Variants in GLRA2 observed in about 807,000 individuals in gnomAD.
GLRA2 encodes glycine receptor subunit alpha-2.
A neutral mutation model predicts 31.6 loss-of-function variants in GLRA2; 11 were observed. The ratio of observed to expected loss-of-function variants is 0.35; its 90% CI spans 0.22 to 0.58. The LOEUF (loss-of-function observed/expected upper bound fraction) is 0.58. Ranked by LOEUF, GLRA2 falls within the 20% of genes least tolerant of loss-of-function variation. The pLI, the probability that GLRA2 is intolerant of heterozygous loss-of-function variation, is 0.84. For missense variants in GLRA2, 212 were observed against 351.8 expected, an observed-to-expected ratio of 0.60 and a Z score of 3.18; for synonymous variants, 132 against 134.0, an observed-to-expected ratio of 0.99 and a Z score of 0.10.
chrX:14,614,112 A>G (rs184965848), intron 7 of GLRA2, among the ~76,000 whole-genome samples: 1 of 111,446 alleles, frequency 9.0e-6, no homozygotes, highest in Non-Finnish European at 1.9e-5. Context: ...GATGTGGAGC[A>G]CTTTGTCTGT....
At chrX:14,607,803 C>G (rs180747538) in intron 6 of GLRA2, among the ~76,000 whole-genome samples, 1 of 111,141 alleles carries the variant, frequency 9.0e-6, no homozygotes, top group East Asian at 2.9e-4. Flanking sequence ...TCAGCTGGCT[C>G]TAAAGTCATG....
chrX:14,660,932 T>C (rs984043448), intron 7 of GLRA2, among the ~76,000 whole-genome samples: 1 of 111,974 alleles, frequency 8.9e-6, no homozygotes, highest in Non-Finnish European at 1.9e-5. Context: ...TGGCTAAAGA[T>C]ACAAATTTCA....
chrX:14,666,931 G>A (rs751318821), intron 7 of GLRA2, among the ~76,000 whole-genome samples: 6 of 112,170 alleles, frequency 5.3e-5, no homozygotes, highest in Non-Finnish European at 1.1e-4. Context: ...TAGAGTGCAA[G>A]TCAATCATCT....
chrX:14,708,512 G>A (rs1368048047), intron 8 of GLRA2, among the ~76,000 whole-genome samples: 2 of 111,417 alleles, frequency 1.8e-5, no homozygotes, highest in South Asian at 3.7e-4. Context: ...ACACTCACAC[G>A]CCACCTGAGT....
intron 8 of GLRA2, among the ~76,000 whole-genome samples, chrX:14,715,860 A>G (rs987401855): frequency 8.0e-5 from 9 of 111,888 alleles, no homozygotes; most frequent in African/African-American, 2.6e-4. Context: ...TAAGTCTTGA[A>G]ATGGAAGCAA....
At chrX:14,581,766 G>GCACACACA (rs57962541) in intron 4 of GLRA2, among the ~76,000 whole-genome samples, 2,023 of 90,840 alleles carry the variant, frequency 0.022, 44 homozygotes, top group African/African-American at 0.062. Flanking sequence ...ATTCAAGCAT[G>GCACACACA]CACACACACA....
chrX:14,652,396 C>T (rs754953034), intron 7 of GLRA2, among the ~76,000 whole-genome samples: 2 of 111,113 alleles, frequency 1.8e-5, no homozygotes, highest in Non-Finnish European at 3.8e-5. Flanking sequence ...CATATATAGG[C>T]GTATCTCATT....
At chrX:14,710,217 C>A (rs1434885452) in intron 8 of GLRA2, among the ~76,000 whole-genome samples, 1 of 112,062 alleles carries the variant, frequency 8.9e-6, no homozygotes, top group Admixed American at 9.5e-5. Context: ...ACTGAGCCCC[C>A]TGCAGAAACA....
At chrX:14,508,684 A>G in the GLRA2 span, among the ~76,000 whole-genome samples, 2 of 112,045 alleles carry the variant, frequency 1.8e-5, no homozygotes, top group South Asian at 7.5e-4. Flanking sequence ...CATTTTTAAT[A>G]CACTTCATGC....
At chrX:14,568,692 CA>C (rs1390018705) in intron 2 of GLRA2, among the ~76,000 whole-genome samples, 48 of 23,511 alleles carry the variant, frequency 2.0e-3, no homozygotes, top group African/African-American at 4.1e-3. Context: ...GACTCTGTCT[CA>C]AAAAAAAAAA....
chrX:14,472,577 C>T, the GLRA2 span, among the ~76,000 whole-genome samples: 1 of 111,051 alleles, frequency 9.0e-6, no homozygotes. Flanking sequence ...CAACCCCCAT[C>T]GTGTTCATGT....
intron 7 of GLRA2, among the ~76,000 whole-genome samples, chrX:14,621,178 G>A (rs1183151099): frequency 9.0e-6 from 1 of 111,286 alleles, no homozygotes; most frequent in Non-Finnish European, 1.9e-5. Context: ...AAGAATTAGT[G>A]TTGGAGTTTG....
the GLRA2 span, among the ~76,000 whole-genome samples, chrX:14,509,331 T>G: frequency 1.8e-5 from 2 of 112,736 alleles, no homozygotes; most frequent in Admixed American, 1.9e-4. Context: ...TTCCTTCACT[T>G]GAATATTTGT....
In GLRA2 at chrX:14,643,760, A is replaced by G. The variant is rs776938013; in HGVS notation, c.930+34555A>G. ...AGGCAAGGTTCAGTAGTGCCATGAC[A>G]GCTCCATCAATGCAATGGGAACATG... is the stretch of plus-strand genomic sequence containing the variant. On this transcript the variant is annotated intron_variant, in intron 7 of 8. Coordinates refer to ENST00000218075, the MANE Select transcript of GLRA2 (RefSeq NM_002063.4). Among the ~76,000 whole-genome samples the G allele has an allele frequency of 3.6e-5, 4 of 112,107 alleles. No individual in the cohort carries two copies. In the South Asian group the frequency reaches 1.5e-3, roughly 41 times the overall value.
At chrX:14,523,202 G>C in the GLRA2 span, among the ~76,000 whole-genome samples, 6 of 111,857 alleles carry the variant, frequency 5.4e-5, no homozygotes, top group African/African-American at 1.9e-4. Flanking sequence ...TATGGAGGTG[G>C]CTTCTTTACT....
chrX:14,595,945 C>T (rs1162677040), intron 4 of GLRA2, among the ~76,000 whole-genome samples: 1 of 111,761 alleles, frequency 8.9e-6, no homozygotes, highest in Non-Finnish European at 1.9e-5. Context: ...GTGTCTGGTG[C>T]CTGGTGCCCA....
chrX:14,719,401 T>C (rs756912679), intron 8 of GLRA2, among the ~76,000 whole-genome samples: 5 of 111,829 alleles, frequency 4.5e-5, no homozygotes, highest in African/African-American at 1.6e-4. Flanking sequence ...AGTATCTGAA[T>C]AGACATTTCT....
chrX:14,505,139 C>T, the GLRA2 span, among the ~76,000 whole-genome samples: 1 of 111,942 alleles, frequency 8.9e-6, no homozygotes, highest in Non-Finnish European at 1.9e-5. Flanking sequence ...AATGTGTCTA[C>T]ACAGGCATGA....
chrX:14,484,375 T>C, the GLRA2 span, among the ~76,000 whole-genome samples: 4 of 112,064 alleles, frequency 3.6e-5, no homozygotes, highest in African/African-American at 1.3e-4. Flanking sequence ...CTAGTCAATC[T>C]TTACTGCTGG....
Sources: gnomAD v4.1 joint callset for allele counts (sites outside exome capture counted in the v4.1 genomes callset) on GRCh38, gnomAD v4.1.1 for gene constraint, MANE v1.5 for transcripts, NCBI Gene and HGNC (gene_info 2026-07-23, HGNC 2026-07-21) for gene names.